NRXN3: variants seen among roughly 807,000 people sequenced by gnomAD.
NRXN3 encodes the protein neurexin 3, also known as neurexin III.
Under a neutral mutation model 137.6 loss-of-function variants are expected in NRXN3, and 32 were observed. The observed-to-expected ratio is 0.23, with a 90% CI of 0.18 to 0.31. The LOEUF (loss-of-function observed/expected upper bound fraction) is 0.31, where lower values mean the gene tolerates loss of function less well. Among genes scored for constraint, NRXN3 ranks in the 10% least tolerant of loss-of-function variants. NRXN3 has a pLI of 1.00. For synonymous variants in NRXN3, 798 were observed against 784.5 expected (o/e 1.02, Z -0.29); for missense variants, 1,574 against 2,062.5 (o/e 0.76, Z 4.59).
intron 19 of NRXN3, among the ~76,000 whole-genome samples, chr14:79,734,326 A>G (rs1487057172): frequency 6.6e-6 from 1 of 152,230 alleles, no homozygotes; most frequent in Admixed American, 6.5e-5. Context: ...GGTTGTGTCA[A>G]CTTGGGAATG....
intron 15 of NRXN3, among the ~76,000 whole-genome samples, chr14:78,999,859 G>C (rs2099537833): frequency 6.6e-6 from 1 of 152,204 alleles, no homozygotes; most frequent in Admixed American, 6.5e-5. Flanking sequence ...TATTTCACAA[G>C]ATGAGATTTC....
chr14:79,007,805 CAAAAAAAAAAA>C (rs1160867331), intron 15 of NRXN3, among the ~76,000 whole-genome samples: 1 of 37,992 alleles, frequency 2.6e-5, no homozygotes, highest in Non-Finnish European at 6.0e-5. Context: ...GACTCCATCT[CAAAAAAAAAAA>C]AAAAAAAAAA....
At chr14:78,462,898 A>G (rs2094965013) in intron 4 of NRXN3, among the ~76,000 whole-genome samples, 1 of 152,170 alleles carries the variant, frequency 6.6e-6, no homozygotes, top group Non-Finnish European at 1.5e-5. Context: ...GTTTTGTTAC[A>G]TGTGTATATT....
chr14:79,436,958 A>T (rs940178231), intron 15 of NRXN3, among the ~76,000 whole-genome samples: 1 of 152,100 alleles, frequency 6.6e-6, no homozygotes, highest in African/African-American at 2.4e-5. Context: ...ACAGTTGCCA[A>T]ATTCAACTTT....
chr14:79,805,000 A>G (rs2099198326), intron 19 of NRXN3, 112 bp from the exon 20 acceptor site: 10 of 712,444 alleles, frequency 1.4e-5, no homozygotes, highest in Non-Finnish European at 2.2e-5. Flanking sequence ...AATCGTAATG[A>G]TGGGAGATGG....
chr14:79,126,324 C>A (rs551903390), intron 15 of NRXN3, among the ~76,000 whole-genome samples: 13 of 148,322 alleles, frequency 8.8e-5, no homozygotes, highest in Admixed American at 2.7e-4. Context: ...ATCCCTCCCC[C>A]CCGCCCCACC....
chr14:78,867,605 C>T (rs901791052), intron 10 of NRXN3, among the ~76,000 whole-genome samples: 7 of 152,112 alleles, frequency 4.6e-5, no homozygotes, highest in East Asian at 1.9e-4. Context: ...ACTGAATTTT[C>T]CCAGAAAATA....
chr14:78,394,638 ATTAG>A (rs1187743786), intron 4 of NRXN3, among the ~76,000 whole-genome samples: 3 of 151,860 alleles, frequency 2.0e-5, no homozygotes, highest in South Asian at 2.1e-4. Flanking sequence ...ATTTTATAGA[ATTAG>A]TTAATTAATT....
chr14:78,578,161 G>A (rs2096955895), intron 4 of NRXN3, among the ~76,000 whole-genome samples: 1 of 152,038 alleles, frequency 6.6e-6, no homozygotes, highest in South Asian at 2.1e-4. Context: ...ATCACATTAA[G>A]GCTCCCAAGT....
intron 15 of NRXN3, among the ~76,000 whole-genome samples, chr14:79,398,595 C>G (rs1846714797): frequency 6.6e-6 from 1 of 151,814 alleles, no homozygotes; most frequent in Non-Finnish European, 1.5e-5. Flanking sequence ...ATATTTCTAG[C>G]AAAACTCTTG....
At chr14:79,560,989 G>A (rs1232813808) in intron 16 of NRXN3, among the ~76,000 whole-genome samples, 3 of 152,172 alleles carry the variant, frequency 2.0e-5, no homozygotes, top group Non-Finnish European at 4.4e-5. Flanking sequence ...TTGTGCAACA[G>A]AGGCTGATCC....
intron 2 of NRXN3, among the ~76,000 whole-genome samples, chr14:78,269,934 T>C (rs2072444465): frequency 6.6e-6 from 1 of 152,208 alleles, no homozygotes; most frequent in Non-Finnish European, 1.5e-5. Flanking sequence ...GGTCAAGTAA[T>C]GCAATAATTG....
rs377281519 is a variant in NRXN3, at chr14:78,975,762, T to G, written c.3142+7416T>G. Among the ~76,000 whole-genome samples the G allele has an allele frequency of 2.4e-4, 36 of 152,290 alleles. No individual in the cohort carries two copies. The East Asian group carries it at 5.2e-3, about 22-fold the overall frequency. Reference sequence around the variant, plus strand: ...TCAAAGAGCAAGAAAGAAAGTGAACTCTTTCTCCTGTTTGCTGCACACACC... The same window carrying G: ...TCAAAGAGCAAGAAAGAAAGTGAACGCTTTCTCCTGTTTGCTGCACACACC... On this transcript the variant is annotated intron_variant, in intron 14 of 20. Coordinates refer to ENST00000335750, the MANE Select transcript of NRXN3 (RefSeq NM_001330195.2).
chr14:79,408,299 T>C (rs2095352379), intron 15 of NRXN3, among the ~76,000 whole-genome samples: 1 of 152,126 alleles, frequency 6.6e-6, no homozygotes, highest in Admixed American at 6.6e-5. Flanking sequence ...TGGATTAACT[T>C]TTATTCAGTC....
intron 4 of NRXN3, among the ~76,000 whole-genome samples, chr14:78,575,105 C>T (rs561210062): frequency 2.0e-5 from 3 of 152,186 alleles, no homozygotes; most frequent in Non-Finnish European, 2.9e-5. Flanking sequence ...CTCATTCTGT[C>T]CCCTGCCGCC....
chr14:78,306,259 A>T (rs1304141724), intron 4 of NRXN3, among the ~76,000 whole-genome samples: 1 of 152,104 alleles, frequency 6.6e-6, no homozygotes, highest in Non-Finnish European at 1.5e-5. Context: ...TTACTTATAG[A>T]TTTTATGTCT....
chr14:78,634,994 C>T (rs1051682877), intron 4 of NRXN3, among the ~76,000 whole-genome samples: 1 of 152,158 alleles, frequency 6.6e-6, no homozygotes, highest in South Asian at 2.1e-4. Context: ...CCAAGCAAAA[C>T]TTGGTACCAC....
chr14:79,035,531 A>G (rs2099614650), intron 15 of NRXN3, among the ~76,000 whole-genome samples: 1 of 152,136 alleles, frequency 6.6e-6, no homozygotes, highest in Non-Finnish European at 1.5e-5. Context: ...AAAATATGCT[A>G]TATACTTATA....
chr14:78,827,284 A>AT (rs1350327276), intron 10 of NRXN3, among the ~76,000 whole-genome samples: 3 of 151,660 alleles, frequency 2.0e-5, no homozygotes, highest in Non-Finnish European at 4.4e-5. Context: ...AAAAAAAAAA[A>AT]ATACAAAAGA....
Sources: allele counts gnomAD v4.1 joint callset (sites outside exome capture counted in the v4.1 genomes callset), GRCh38; gene constraint gnomAD v4.1.1; transcripts MANE v1.5; gene names NCBI Gene and HGNC (gene_info 2026-07-23, HGNC 2026-07-21).